BRINP3: variants seen among roughly 807,000 people sequenced by gnomAD.
The protein encoded by BRINP3 is BMP/retinoic acid-inducible neural-specific protein 3.
A neutral mutation model predicts 71.0 loss-of-function variants in BRINP3; 19 were observed. That is an observed-to-expected ratio of 0.27 (90% CI 0.19 to 0.39). The LOEUF is 0.39. BRINP3 is among the 10% of genes least tolerant of loss of function. The probability of loss-of-function intolerance (pLI) is 1.00; values close to 1 mark genes in which losing one functional copy is unlikely to be tolerated. For synonymous variants in BRINP3, 380 were observed against 337.7 expected, an observed-to-expected ratio of 1.13 and a Z score of -1.37; for missense variants, 959 against 940.8, an observed-to-expected ratio of 1.02 and a Z score of -0.25.
At chr1:190,099,694 G>C (rs1485202189) in intron 7 of BRINP3, among the ~76,000 whole-genome samples, 1 of 152,042 alleles carries the variant, frequency 6.6e-6, no homozygotes, top group East Asian at 1.9e-4. Context: ...TAGATGCTAG[G>C]GTTGTCATCA....
At chr1:190,126,858 T>C (rs1253491552) in intron 7 of BRINP3, among the ~76,000 whole-genome samples, 1 of 151,828 alleles carries the variant, frequency 6.6e-6, no homozygotes, top group South Asian at 2.1e-4. Context: ...GGAGAAAGAG[T>C]GCTGGGATTC....
chr1:190,345,056 C>T (rs1667920887), intron 2 of BRINP3, among the ~76,000 whole-genome samples: 3 of 151,812 alleles, frequency 2.0e-5, no homozygotes, highest in Admixed American at 2.0e-4. Context: ...AATTTCAGAA[C>T]ATTTTATTAA....
At chr1:190,338,421 G>A (rs1356896634) in intron 2 of BRINP3, among the ~76,000 whole-genome samples, 2 of 151,962 alleles carry the variant, frequency 1.3e-5, no homozygotes, top group Non-Finnish European at 2.9e-5. Flanking sequence ...TAAACTTTAA[G>A]TACATGGTAA....
chr1:190,157,017 T>C (rs911676175), intron 7 of BRINP3, among the ~76,000 whole-genome samples: 40 of 151,978 alleles, frequency 2.6e-4, no homozygotes, highest in Admixed American at 1.6e-3. Flanking sequence ...ATCTGCTCAA[T>C]TGCAGTTTCT....
At chr1:190,329,403 T>C (rs2103074817) in intron 2 of BRINP3, among the ~76,000 whole-genome samples, 1 of 151,774 alleles carries the variant, frequency 6.6e-6, no homozygotes, top group Middle Eastern at 3.4e-3. Context: ...AGCTGAGAGC[T>C]ACATCAATAA....
chr1:190,160,083 A>G (rs1446854658), intron 7 of BRINP3, among the ~76,000 whole-genome samples: 1 of 152,064 alleles, frequency 6.6e-6, no homozygotes, highest in Admixed American at 6.6e-5. Flanking sequence ...ACTTTTTATT[A>G]CACTTACTTG....
At chr1:190,125,732 C>A (rs1654034748) in intron 7 of BRINP3, among the ~76,000 whole-genome samples, 1 of 151,942 alleles carries the variant, frequency 6.6e-6, no homozygotes, top group Admixed American at 6.6e-5. Context: ...ACAGAGATAG[C>A]CAGTCAGTCA....
At chr1:190,166,859 G>C (rs1651590521) in intron 6 of BRINP3, among the ~76,000 whole-genome samples, 1 of 152,018 alleles carries the variant, frequency 6.6e-6, no homozygotes, top group Non-Finnish European at 1.5e-5. Flanking sequence ...AAGTAGCTGG[G>C]ATTACAGGCG....
At chr1:190,390,592 C>T (rs983806698) in intron 2 of BRINP3, among the ~76,000 whole-genome samples, 3 of 151,574 alleles carry the variant, frequency 2.0e-5, no homozygotes, top group African/African-American at 7.3e-5. Context: ...AGGGTGTGAA[C>T]TCTAATAATA....
At chr1:190,425,515 C>A (rs1408759831) in intron 2 of BRINP3, among the ~76,000 whole-genome samples, 1 of 151,726 alleles carries the variant, frequency 6.6e-6, no homozygotes, top group African/African-American at 2.4e-5. Context: ...AGTGCCAATT[C>A]ACTTGTTTCA....
chr1:190,122,731 CA>C (rs1402519678), intron 7 of BRINP3, among the ~76,000 whole-genome samples: 6 of 151,874 alleles, frequency 4.0e-5, no homozygotes, highest in Admixed American at 1.3e-4. Context: ...AAGTATAATA[CA>C]AAAAAACCTT....
intron 6 of BRINP3, among the ~76,000 whole-genome samples, chr1:190,216,003 GT>G (rs1373330431): frequency 1.4e-5 from 2 of 145,938 alleles, no homozygotes; most frequent in Admixed American, 6.9e-5. Flanking sequence ...AAGTAATGAA[GT>G]TTTTTATTTA....
chr1:190,141,536 C>G (rs1314726171), intron 7 of BRINP3, among the ~76,000 whole-genome samples: 1 of 145,946 alleles, frequency 6.9e-6, no homozygotes, highest in Non-Finnish European at 1.5e-5. Context: ...CTTTCTTTCT[C>G]TCTCTCTTTC....
intron 6 of BRINP3, among the ~76,000 whole-genome samples, chr1:190,203,752 TA>T (rs1283259806): frequency 6.0e-4 from 2 of 3,306 alleles, no homozygotes; most frequent in African/African-American, 3.5e-3. Flanking sequence ...CTAAAGAAAA[TA>T]TATATATATA....
At chr1:190,370,467 T>A (rs1669786894) in intron 2 of BRINP3, among the ~76,000 whole-genome samples, 1 of 151,612 alleles carries the variant, frequency 6.6e-6, no homozygotes, top group South Asian at 2.1e-4. Context: ...AGCAGAAAAA[T>A]TTGGGAGGGG....
chr1:190,205,606 G>C (rs1655426669), intron 6 of BRINP3, among the ~76,000 whole-genome samples: 1 of 151,992 alleles, frequency 6.6e-6, no homozygotes, highest in Non-Finnish European at 1.5e-5. Context: ...GGCCAGAACT[G>C]GAGTGTTGGT....
intron 2 of BRINP3, among the ~76,000 whole-genome samples, chr1:190,353,880 C>A (rs1668561723): frequency 6.6e-6 from 1 of 151,958 alleles, no homozygotes; most frequent in South Asian, 2.1e-4. Flanking sequence ...TAAATAATCA[C>A]CTTGCCTTCT....
At chr1:190,447,904 T>C (rs1429745195) in intron 2 of BRINP3, among the ~76,000 whole-genome samples, 1 of 151,688 alleles carries the variant, frequency 6.6e-6, no homozygotes, top group Non-Finnish European at 1.5e-5. Flanking sequence ...CACATACTCA[T>C]CACAAAAAAG....
At chr1:190,177,108 TTCATGGTTTTGTTTGTTGGTTTG>T (rs1652584674) in intron 6 of BRINP3, among the ~76,000 whole-genome samples, 1 of 151,258 alleles carries the variant, frequency 6.6e-6, no homozygotes, top group African/African-American at 2.4e-5. Flanking sequence ...GGCCAAAATC[TTCATGGTTTTGTTTGTTGGTTTG>T]TCATGGAAGC....
Sources: gnomAD v4.1 joint callset for allele counts (sites outside exome capture counted in the v4.1 genomes callset) on GRCh38, gnomAD v4.1.1 for gene constraint, MANE v1.5 for transcripts, NCBI Gene and HGNC (gene_info 2026-07-23, HGNC 2026-07-21) for gene names.